Variants in ZNF799 observed in about 807,000 individuals in gnomAD.
ZNF799 encodes the protein zinc finger protein 799.
ZNF799 carries 28 observed loss-of-function variants against 41.0 expected under a neutral mutation model. The ratio of observed to expected loss-of-function variants is 0.68; its 90% CI spans 0.51 to 0.94. ZNF799 has a LOEUF of 0.94. Ranked by LOEUF, ZNF799 falls within the 40% of genes least tolerant of loss-of-function variation. The pLI, the probability that ZNF799 is intolerant of heterozygous loss-of-function variation, is 0.00. For missense variants in ZNF799, 716 were observed against 764.3 expected, an observed-to-expected ratio of 0.94 and a Z score of 0.74; for synonymous variants, 213 against 252.9, an observed-to-expected ratio of 0.84 and a Z score of 1.50.
At chr19:12,396,146 A>G (rs774396627) in intron 1 of ZNF799, among the ~76,000 whole-genome samples, 2 of 152,250 alleles carry the variant, frequency 1.3e-5, no homozygotes, top group Non-Finnish European at 2.9e-5. Context: ...AAAATTATGA[A>G]GAATACAGAA....
At chr19:12,400,082 G>A (rs1196839851) in intron 1 of ZNF799, among the ~76,000 whole-genome samples, 2 of 152,208 alleles carry the variant, frequency 1.3e-5, no homozygotes, top group East Asian at 1.9e-4. Flanking sequence ...GTTAGCCTGG[G>A]GAAGTCTCTG....
intron 1 of ZNF799, 188 bp from the exon 2 acceptor site, chr19:12,393,611 C>T (rs768580232): frequency 6.9e-7 from 1 of 1,455,812 alleles, no homozygotes; most frequent in Non-Finnish European, 9.0e-7. Flanking sequence ...TACAGTTAAA[C>T]ATGTTTGGTA....
chr19:12,407,682 G>A, the ZNF799 span, among the ~76,000 whole-genome samples: 7 of 152,082 alleles, frequency 4.6e-5, no homozygotes, highest in African/African-American at 1.4e-4. Flanking sequence ...CAATGTATTG[G>A]GTAGTTTAGC....
chr19:12,392,629 T>A lies in ZNF799; in HGVS notation c.165A>T (p.Gln55His). The change falls in exon 3 of 4, where the codon CAA becomes CAT. Residue 55 changes from glutamine (Q) to histidine (H), a missense_variant. Gln to His is a conservative substitution (Grantham distance 24, BLOSUM62 0). Around this residue, in one of 2 missense-constraint regions of ZNF799, gnomAD observed 698 missense variants for 713.6 expected, o/e 0.98. Transcript: ENST00000430385. ...TTAGATTTTTCCTGGGATATCTATA[T>A]TGATCTTCAATGTTCTGGTCTTTCC... The part of the protein sequence containing the change: ...MKWKDQNIED[Q>H]YRYPRKNLRC... The A allele has an allele frequency of 6.2e-7, 1 of 1,600,700 alleles. No individual in the cohort carries two copies. Among genetic ancestry groups the A allele is most frequent in the South Asian group, 1.1e-5 (1 of 90,456 alleles).
the ZNF799 span, among the ~76,000 whole-genome samples, chr19:12,412,847 C>A: frequency 0.014 from 2,191 of 151,954 alleles, 44 homozygotes; most frequent in African/African-American, 0.051. Context: ...TGAGACCAGC[C>A]TGACCAACAT....
chr19:12,399,707 G>A (rs1332919308), intron 1 of ZNF799, among the ~76,000 whole-genome samples: 27 of 147,584 alleles, frequency 1.8e-4, no homozygotes, highest in African/African-American at 4.6e-4. Flanking sequence ...GCAGAGGCAC[G>A]ATCATAGCTC....
At chr19:12,393,914 CA>C in intron 1 of ZNF799, 38 of 215,300 alleles carry the variant, frequency 1.8e-4, no homozygotes, top group Non-Finnish European at 2.8e-4. Flanking sequence ...ATTGTTTACG[CA>C]AAAAAAATAC....
rs1969787680 is a variant in ZNF799, at chr19:12,390,315, G to C, written c.*151C>G. The C allele has an allele frequency of 2.1e-6, 3 of 1,426,530 alleles. No individual in the cohort carries two copies. The Admixed American group carries it at 7.0e-5, about 33-fold the overall frequency. 88.4% of individuals were successfully genotyped at this position (1,426,530 alleles called of 1,614,324 possible). A position where few individuals can be genotyped will look rare whatever the true frequency, so the allele number is the denominator to read the frequency against. ...AACCAATACCCAGCAGGTATCAAGG[G>C]ATGACTGTACTGGAAAGAAACTGAA... is the stretch of plus-strand genomic sequence containing the variant. On this transcript the variant is annotated 3_prime_UTR_variant, in exon 4 of 4. Transcript: ENST00000430385.
chr19:12,398,940 A>G (rs1217841623), intron 1 of ZNF799, among the ~76,000 whole-genome samples: 1 of 152,216 alleles, frequency 6.6e-6, no homozygotes, highest in Admixed American at 6.5e-5. Context: ...ATAGAAGATT[A>G]CATATACCAT....
At chr19:12,409,373 C>A in the ZNF799 span, among the ~76,000 whole-genome samples, 1 of 152,208 alleles carries the variant, frequency 6.6e-6, no homozygotes, top group Non-Finnish European at 1.5e-5. Context: ...TGGTCCACAG[C>A]CTGGAGGCTG....
upstream of ZNF799, among the ~76,000 whole-genome samples, chr19:12,403,942 G>A (rs1970014272): frequency 6.6e-6 from 1 of 152,096 alleles, no homozygotes; most frequent in East Asian, 1.9e-4. Flanking sequence ...GTTTTGGTAT[G>A]TTGCATTTTC....
rs1650541941 is a variant in ZNF799, at chr19:12,390,362, T to A, written c.*104A>T. ...TGAAATTACTTAAGGTTTTACCAAG[T>A]GCTTACATTCACAGGGTCTATCTCC... On this transcript the variant is annotated 3_prime_UTR_variant, in exon 4 of 4. Transcript: ENST00000430385. 1 of 1,585,934 alleles carries A rather than the reference T, an allele frequency of 6.3e-7. No homozygotes were observed. The highest frequency in any genetic ancestry group is 1.8e-5 in the Admixed American group (1 of 55,840).
At chr19:12,402,401 A>G (rs1970001783), upstream of ZNF799, among the ~76,000 whole-genome samples, 1 of 144,626 alleles carries the variant, frequency 6.9e-6, no homozygotes, top group African/African-American at 2.6e-5. Flanking sequence ...TTCCCAATAT[A>G]GATGCCCTTT....
upstream of ZNF799, among the ~76,000 whole-genome samples, chr19:12,404,775 G>C (rs117221882): frequency 2.6e-5 from 4 of 152,258 alleles, no homozygotes; most frequent in Non-Finnish European, 4.4e-5. Flanking sequence ...TAAAAATGTT[G>C]TAAAATACAT....
intron 3 of ZNF799, 43 bp downstream of exon 3, chr19:12,392,560 A>T: frequency 6.7e-7 from 1 of 1,494,868 alleles, no homozygotes. Context: ...TCATTCTCAG[A>T]ACGGCTCCAG....
upstream of ZNF799, among the ~76,000 whole-genome samples, chr19:12,401,541 CT>C (rs769048606): frequency 0.36 from 14,776 of 41,622 alleles, 2,515 homozygotes; most frequent in Non-Finnish European, 0.41. Flanking sequence ...AACAATTATA[CT>C]TTTTTTTTTT....
chr19:12,400,791 C>T (rs1969968124), intron 1 of ZNF799: 3 of 587,064 alleles, frequency 5.1e-6, no homozygotes, highest in East Asian at 3.0e-5. Flanking sequence ...GTGTTGCTTA[C>T]AGCCGCACAA....
rs758504186 is a variant in ZNF799, at chr19:12,390,681, G to A, written c.1717C>T (p.Arg573Cys). The A allele has an allele frequency of 2.0e-5, 32 of 1,612,988 alleles. No individual in the cohort carries two copies. The highest frequency in any genetic ancestry group is 1.1e-4 in the East Asian group (5 of 44,792). The change falls in exon 4 of 4, where the codon CGT becomes TGT. Residue 573 changes from arginine (R) to cysteine (C), a missense_variant. By Grantham distance (180) the Arg-to-Cys change is radical. Coordinates refer to ENST00000430385, the MANE Select transcript of ZNF799 (RefSeq NM_001080821.3). ...QQCGKAFTHS[R>C]FLQGHEKTHT... ...GTTTTTTCATGTCCTTGAAGAAAAC[G>A]GGAATGAGTGAAGGCTTTACCACAT...
At chr19:12,403,793 C>A (rs1183703669), upstream of ZNF799, among the ~76,000 whole-genome samples, 1 of 152,160 alleles carries the variant, frequency 6.6e-6, no homozygotes, top group East Asian at 1.9e-4. Flanking sequence ...CTCAGGTGAT[C>A]CACTCACCTC....
Sources: gnomAD v4.1 joint callset for allele counts (sites outside exome capture counted in the v4.1 genomes callset) on GRCh38, gnomAD v4.1.1 for gene constraint, gnomAD v4.1.1 regional missense constraint, MANE v1.5 for transcripts, NCBI Gene and HGNC (gene_info 2026-07-23, HGNC 2026-07-21) for gene names.